SEMA3F: variants seen among roughly 807,000 people sequenced by gnomAD.
SEMA3F encodes the protein semaphorin 3F.
A neutral mutation model predicts 98.5 loss-of-function variants in SEMA3F; 30 were observed. The ratio of observed to expected loss-of-function variants is 0.30; its 90% CI spans 0.23 to 0.41. The LOEUF (loss-of-function observed/expected upper bound fraction) is 0.41, where lower values mean the gene tolerates loss of function less well. Among genes scored for constraint, SEMA3F ranks in the 10% least tolerant of loss-of-function variants. The pLI, the probability that SEMA3F is intolerant of heterozygous loss-of-function variation, is 1.00. For synonymous variants in SEMA3F, 380 were observed against 444.8 expected (o/e 0.85, Z 1.83); for missense variants, 866 against 1,119.3 (o/e 0.77, Z 3.23).
At chr3:50,177,479 C>A (rs566475857) in intron 7 of SEMA3F, among the ~76,000 whole-genome samples, 1 of 152,306 alleles carries the variant, frequency 6.6e-6, no homozygotes, top group Admixed American at 6.5e-5. Context: ...TCAACACAGT[C>A]TGCCTCTCAG....
chr3:50,162,013 C>T (rs1698227164), intron 2 of SEMA3F, among the ~76,000 whole-genome samples: 1 of 152,238 alleles, frequency 6.6e-6, no homozygotes, highest in Non-Finnish European at 1.5e-5. Flanking sequence ...CTCAGAAGCA[C>T]TGCTGGTCAC....
intron 12 of SEMA3F, 63 bp downstream of exon 12, chr3:50,183,627 C>G: frequency 1.3e-6 from 2 of 1,557,302 alleles, no homozygotes; most frequent in Non-Finnish European, 1.8e-6. Context: ...CTGGGTCAGG[C>G]TCTTTGCAAC....
At chr3:50,185,593 C>T in intron 14 of SEMA3F, 62 bp downstream of exon 14, 1 of 1,612,588 alleles carries the variant, frequency 6.2e-7, no homozygotes, top group Non-Finnish European at 8.5e-7. Context: ...GTCCCAGCCT[C>T]TGACCTGAGA....
chr3:50,159,947 G>A, intron 2 of SEMA3F, among the ~76,000 whole-genome samples: 1 of 152,220 alleles, frequency 6.6e-6, no homozygotes, highest in East Asian at 1.9e-4. Context: ...AAAGAGTCCA[G>A]AGTCTGGGCA....
At position 50,174,323 on chromosome 3, in the gene SEMA3F, C is replaced by T; in HGVS notation, c.429C>T (p.Thr143=). 1 of 1,612,828 alleles carries T rather than the reference C, an allele frequency of 6.2e-7. No individual in the cohort carries two copies. The highest frequency in any genetic ancestry group is 8.5e-7 in the Non-Finnish European group (1 of 1,179,734). Reference sequence around the variant, plus strand: ...CAGGTGCCTACAACCCCATGTGCACCTATGTGAACCGCGGACGCCGCGCCC... The same window carrying T: ...CAGGTGCCTACAACCCCATGTGCACTTATGTGAACCGCGGACGCCGCGCCC... ...CGTGAYNPMC[T]YVNRGRRAQA... The change falls in exon 5 of 19, where the codon ACC becomes ACT. Residue 143 remains threonine (T), a synonymous_variant. Coordinates refer to ENST00000002829, the MANE Select transcript of SEMA3F (RefSeq NM_004186.5).
Position 50,175,086 on chromosome 3 carries a change from G to A in SEMA3F, c.457-10G>A, listed in dbSNP as rs776358980. The A allele has an allele frequency of 2.2e-5, 36 of 1,601,328 alleles. No homozygotes were observed. Among genetic ancestry groups the A allele is most frequent in the East Asian group, 2.2e-4 (10 of 44,576 alleles). On this transcript the variant is annotated splice_polypyrimidine_tract_variant and intron_variant, in intron 5 of 18. Transcript: ENST00000002829. ...CCCCCAGCTCTAACCCCTGTTCCTCGTCTTCTCAGGCCACACCATGGACCC... is the reference window on the plus strand; with the variant it reads ...CCCCCAGCTCTAACCCCTGTTCCTCATCTTCTCAGGCCACACCATGGACCC...
intron 2 of SEMA3F, among the ~76,000 whole-genome samples, chr3:50,163,902 C>T (rs1218320268): frequency 1.3e-5 from 2 of 152,190 alleles, no homozygotes; most frequent in Non-Finnish European, 1.5e-5. Flanking sequence ...GAACTTGAGC[C>T]CAGATCCCTT....
chr3:50,167,693 C>T (rs970762417), intron 2 of SEMA3F, among the ~76,000 whole-genome samples: 1 of 152,146 alleles, frequency 6.6e-6, no homozygotes. Context: ...TGCAAAGGGG[C>T]CCCTCGTTGC....
At chr3:50,167,876 G>A (rs1698461255) in intron 2 of SEMA3F, among the ~76,000 whole-genome samples, 1 of 152,180 alleles carries the variant, frequency 6.6e-6, no homozygotes, top group Non-Finnish European at 1.5e-5. Flanking sequence ...CTCTGGAGGA[G>A]CCAACATTTC....
At chr3:50,159,878 C>T (rs551899520) in intron 2 of SEMA3F, 144 bp downstream of exon 2, 13 of 638,048 alleles carry the variant, frequency 2.0e-5, no homozygotes, top group East Asian at 6.1e-5. Flanking sequence ...GAAGGGAGAC[C>T]GGGGAGGTGG....
intron 2 of SEMA3F, among the ~76,000 whole-genome samples, chr3:50,169,122 G>A (rs1346712627): frequency 2.0e-5 from 3 of 152,034 alleles, no homozygotes; most frequent in Non-Finnish European, 2.9e-5. Flanking sequence ...CTCTTTTTGC[G>A]GCAGCCCACA....
chr3:50,169,438 A>T (rs535759809), intron 2 of SEMA3F, among the ~76,000 whole-genome samples: 1 of 152,240 alleles, frequency 6.6e-6, no homozygotes, highest in Non-Finnish European at 1.5e-5. Context: ...TGCGGAAATG[A>T]GGTGTCTGAT....
At chr3:50,180,159 G>C (rs1437905550) in intron 7 of SEMA3F, among the ~76,000 whole-genome samples, 3 of 151,688 alleles carry the variant, frequency 2.0e-5, no homozygotes, top group Admixed American at 6.6e-5. Flanking sequence ...TTATTTGTTT[G>C]TTTATTTTTT....
At position 50,174,041 on chromosome 3, in the gene SEMA3F, C is replaced by A. The variant is rs750334812; in HGVS notation, c.274-11C>A. On this transcript the variant is annotated splice_polypyrimidine_tract_variant and intron_variant, in intron 3 of 18. Transcript: ENST00000002829. Reference sequence around the variant, plus strand: ...CCAGAAGGCTGCACCTTCTGACCCCCCTCTCTGCAGATACACTGGGCAGCC... The same window carrying A: ...CCAGAAGGCTGCACCTTCTGACCCCACTCTCTGCAGATACACTGGGCAGCC... 6 of 1,613,964 alleles carry A rather than the reference C, an allele frequency of 3.7e-6. No homozygotes were observed. The African/African-American group carries it at 6.7e-5, about 18-fold the overall frequency.
At chr3:50,172,329 T>C (rs1420867925) in intron 2 of SEMA3F, among the ~76,000 whole-genome samples, 1 of 152,122 alleles carries the variant, frequency 6.6e-6, no homozygotes, top group African/African-American at 2.4e-5. Flanking sequence ...CTCATTACAG[T>C]GTTCCCTCTT....
At chr3:50,159,831 C>A in intron 2 of SEMA3F, 97 bp downstream of exon 2, 1 of 824,274 alleles carries the variant, frequency 1.2e-6, no homozygotes, top group Non-Finnish European at 2.0e-6. Flanking sequence ...CAGGACAAAA[C>A]CAGGACAAAT....
At chr3:50,157,422 T>C (rs1698030972) in intron 1 of SEMA3F, among the ~76,000 whole-genome samples, 1 of 152,050 alleles carries the variant, frequency 6.6e-6, no homozygotes, top group Admixed American at 6.6e-5. Flanking sequence ...TTCTCTGCTT[T>C]CTTCCTGGTG....
At chr3:50,184,363 C>A (rs771088094) in intron 12 of SEMA3F, 2 of 577,990 alleles carry the variant, frequency 3.5e-6, no homozygotes, top group Non-Finnish European at 3.1e-6. Context: ...GCCACGAGGT[C>A]ATGGCACCTG....
chr3:50,185,521 A>T lies in SEMA3F; in HGVS notation c.1535A>T (p.Glu512Val). The T allele has an allele frequency of 1.2e-6, 2 of 1,613,792 alleles. No individual in the cohort carries two copies. Among genetic ancestry groups the T allele is most frequent in the Non-Finnish European group, 1.7e-6 (2 of 1,179,846 alleles). Reference sequence around the variant, plus strand: ...GAGGAGCTCATGCTGGAGGAGGTGGAGGTCTTCAAGGTGGGTGTGACACCA... The same window carrying T: ...GAGGAGCTCATGCTGGAGGAGGTGGTGGTCTTCAAGGTGGGTGTGACACCA... Reference protein sequence around the residue: ...ELEELMLEEVEVFKDPAPVKT... With the variant: ...ELEELMLEEVVVFKDPAPVKT... Residue 512 changes from glutamate to valine, a missense_variant, in exon 14 of 19, where the codon GAG becomes GTG. Coordinates refer to ENST00000002829, the MANE Select transcript of SEMA3F (RefSeq NM_004186.5).
Sources: gnomAD v4.1 joint callset for allele counts (sites outside exome capture counted in the v4.1 genomes callset) on GRCh38, gnomAD v4.1.1 for gene constraint, MANE v1.5 for transcripts, NCBI Gene and HGNC (gene_info 2026-07-23, HGNC 2026-07-21) for gene names.